WWOX: variants seen among roughly 807,000 people sequenced by gnomAD.
The protein encoded by WWOX is WW domain containing oxidoreductase.
In WWOX, 69 loss-of-function variants were observed where a neutral mutation model predicts 46.2. That is an observed-to-expected ratio of 1.49 (90% CI 1.23 to 1.82). The LOEUF (loss-of-function observed/expected upper bound fraction) is 1.82, where lower values mean the gene tolerates loss of function less well. WWOX is among the 40% of genes most tolerant of loss of function. The pLI, the probability that WWOX is intolerant of heterozygous loss-of-function variation, is 0.00. For synonymous variants in WWOX, 359 were observed against 202.6 expected (o/e 1.77, Z -6.56); for missense variants, 919 against 542.6 (o/e 1.69, Z -6.89).
At chr16:79,019,146 C>T (rs1415350537) in intron 8 of WWOX, among the ~76,000 whole-genome samples, 6 of 100,418 alleles carry the variant, frequency 6.0e-5, no homozygotes, top group Middle Eastern at 0.012. Context: ...CAGCAGAGTG[C>T]GACCTTGTCT....
At chr16:79,150,590 A>G (rs926045418) in intron 8 of WWOX, among the ~76,000 whole-genome samples, 5 of 152,176 alleles carry the variant, frequency 3.3e-5, no homozygotes, top group African/African-American at 9.7e-5. Context: ...TTAGCTATAA[A>G]CTTGCCAGAA....
chr16:79,106,977 A>G (rs1360686263), intron 8 of WWOX, among the ~76,000 whole-genome samples: 1 of 151,540 alleles, frequency 6.6e-6, no homozygotes, highest in Non-Finnish European at 1.5e-5. Context: ...TGTCCCACGA[A>G]TTTTTGTATT....
chr16:78,788,664 G>T (rs2050517482), intron 8 of WWOX, among the ~76,000 whole-genome samples: 1 of 152,208 alleles, frequency 6.6e-6, no homozygotes, highest in African/African-American at 2.4e-5. Flanking sequence ...TTATAATAAA[G>T]CAGTAAGGGG....
chr16:79,108,713 G>A (rs1260545913), intron 8 of WWOX, among the ~76,000 whole-genome samples: 2 of 152,164 alleles, frequency 1.3e-5, no homozygotes, highest in East Asian at 3.9e-4. Flanking sequence ...ACCAGCCCGG[G>A]CAACACAGTG....
intron 8 of WWOX, among the ~76,000 whole-genome samples, chr16:78,886,444 A>G (rs948763612): frequency 6.6e-6 from 1 of 151,800 alleles, no homozygotes; most frequent in African/African-American, 2.4e-5. Flanking sequence ...CTTCTTTTGG[A>G]CATTTGCTCC....
intron 5 of WWOX, among the ~76,000 whole-genome samples, chr16:78,207,874 G>A (rs956100675): frequency 2.0e-5 from 3 of 151,770 alleles, no homozygotes; most frequent in African/African-American, 7.3e-5. Flanking sequence ...GTACAGTGGC[G>A]TGATCTTGGT....
At chr16:78,829,675 C>T (rs1459719191) in intron 8 of WWOX, among the ~76,000 whole-genome samples, 1 of 152,138 alleles carries the variant, frequency 6.6e-6, no homozygotes, top group Non-Finnish European at 1.5e-5. Flanking sequence ...TTTAGAAAGT[C>T]ATGTCTCATT....
Position 78,636,254 on chromosome 16 carries a change from A to G in WWOX, c.1056+203502A>G, listed in dbSNP as rs74399860. On this transcript the variant is annotated intron_variant, in intron 8 of 8. Coordinates refer to ENST00000566780, the MANE Select transcript of WWOX (RefSeq NM_016373.4). ...GTCCCAAATGCAAGGGGAGGGAGCT[A>G]AGGGTTATTGCAAACCTACTGTGTG... Among the ~76,000 whole-genome samples, 572 of 152,320 alleles carry G rather than the reference A, an allele frequency of 3.8e-3. 30 individuals are homozygous for G. In the East Asian group the frequency reaches 0.086, roughly 23 times the overall value.
chr16:78,689,731 C>G (rs1284570297), intron 8 of WWOX, among the ~76,000 whole-genome samples: 3 of 152,186 alleles, frequency 2.0e-5, no homozygotes, highest in South Asian at 2.1e-4. Context: ...CTCCAGCTGT[C>G]TTTATTATAT....
At chr16:78,409,883 C>A (rs900418465) in intron 6 of WWOX, among the ~76,000 whole-genome samples, 1 of 152,196 alleles carries the variant, frequency 6.6e-6, no homozygotes, top group Non-Finnish European at 1.5e-5. Context: ...GATCTCAGGA[C>A]TGTTGTGATG....
At chr16:78,640,686 C>G (rs1018017578) in intron 8 of WWOX, among the ~76,000 whole-genome samples, 1 of 152,088 alleles carries the variant, frequency 6.6e-6, no homozygotes, top group Non-Finnish European at 1.5e-5. Context: ...CGCCTGTAAT[C>G]CTAACATTTT....
intron 8 of WWOX, among the ~76,000 whole-genome samples, chr16:78,649,004 C>G (rs554988305): frequency 6.6e-6 from 1 of 152,080 alleles, no homozygotes; most frequent in African/African-American, 2.4e-5. Context: ...GAGGGAGTCT[C>G]GCTCTGTCAC....
chr16:78,333,188 C>T (rs1055062973), intron 5 of WWOX, among the ~76,000 whole-genome samples: 2 of 150,880 alleles, frequency 1.3e-5, no homozygotes, highest in African/African-American at 4.9e-5. Context: ...GTAGCTGGGA[C>T]TACAGGAGCA....
chr16:78,658,094 T>C (rs983989969), intron 8 of WWOX, among the ~76,000 whole-genome samples: 1 of 152,124 alleles, frequency 6.6e-6, no homozygotes, highest in Non-Finnish European at 1.5e-5. Flanking sequence ...GCAACATCAC[T>C]GGCCTCTACC....
intron 8 of WWOX, among the ~76,000 whole-genome samples, chr16:79,007,048 A>G (rs2047205213): frequency 6.6e-6 from 1 of 152,112 alleles, no homozygotes; most frequent in Admixed American, 6.6e-5. Context: ...CTAGGGGACC[A>G]TTATCCAGCC....
chr16:78,565,100 AT>A (rs1194335166), intron 8 of WWOX, among the ~76,000 whole-genome samples: 1 of 152,220 alleles, frequency 6.6e-6, no homozygotes, highest in Non-Finnish European at 1.5e-5. Flanking sequence ...TTGTCCATTC[AT>A]TCATTCATCA....
intron 8 of WWOX, among the ~76,000 whole-genome samples, chr16:78,998,499 G>A (rs989158034): frequency 3.3e-5 from 5 of 152,172 alleles, no homozygotes; most frequent in African/African-American, 1.2e-4. Flanking sequence ...AAACAGAGGG[G>A]ATTGGCCACA....
intron 8 of WWOX, among the ~76,000 whole-genome samples, chr16:78,449,560 C>T (rs561567277): frequency 1.1e-4 from 17 of 152,284 alleles, no homozygotes; most frequent in Admixed American, 8.5e-4. Flanking sequence ...GCATTTATTA[C>T]GGATAAGTTT....
At chr16:78,315,154 T>A (rs573213015) in intron 5 of WWOX, among the ~76,000 whole-genome samples, 2 of 152,220 alleles carry the variant, frequency 1.3e-5, no homozygotes, top group African/African-American at 4.8e-5. Flanking sequence ...AATTTTCTTA[T>A]GTAAGAAAAC....
Sources: allele counts gnomAD v4.1 joint callset (sites outside exome capture counted in the v4.1 genomes callset), GRCh38; gene constraint gnomAD v4.1.1; transcripts MANE v1.5; gene names NCBI Gene and HGNC (gene_info 2026-07-23, HGNC 2026-07-21).